GRM8: variants seen among roughly 807,000 people sequenced by gnomAD.
The protein encoded by GRM8 is metabotropic glutamate receptor 8.
Under a neutral mutation model 87.2 loss-of-function variants are expected in GRM8, and 47 were observed. The ratio of observed to expected loss-of-function variants is 0.54; its 90% CI spans 0.43 to 0.69. GRM8 has a LOEUF of 0.69. GRM8 is among the 30% of genes least tolerant of loss of function. GRM8 has a pLI of 0.00. For missense variants in GRM8, 1,019 were observed against 1,139.2 expected (o/e 0.89, Z 1.52); for synonymous variants, 396 against 404.5 (o/e 0.98, Z 0.25).
chr7:127,070,230 TTATG>T (rs1317204157), intron 3 of GRM8, among the ~76,000 whole-genome samples: 3 of 152,206 alleles, frequency 2.0e-5, no homozygotes, highest in African/African-American at 7.2e-5. Flanking sequence ...ATCCACTCAC[TTATG>T]TGTGTATCTG....
At chr7:126,934,132 C>T (rs996685423) in intron 3 of GRM8, among the ~76,000 whole-genome samples, 3 of 152,106 alleles carry the variant, frequency 2.0e-5, no homozygotes, top group African/African-American at 7.2e-5. Flanking sequence ...GAGGCAAAAT[C>T]CCCTGGAGTT....
intron 7 of GRM8, among the ~76,000 whole-genome samples, chr7:126,757,869 C>T (rs1342038849): frequency 9.2e-5 from 14 of 152,132 alleles, no homozygotes; most frequent in Admixed American, 9.2e-4. Context: ...TATCCTTTTA[C>T]TTGAGGCCAG....
chr7:126,529,435 T>C lies in GRM8; in HGVS notation c.2430+3517A>G, dbSNP rs1037823129. On this transcript the variant is annotated intron_variant, in intron 9 of 10. Transcript: ENST00000339582. ...TTAAAAGTAAGAAGAGGAAGTAAAG[T>C]AAAGGGGCAGGAGTGAGTAGAGGGA... is the stretch of plus-strand genomic sequence containing the variant. Among the ~76,000 whole-genome samples, 6 of 152,144 alleles carry C rather than the reference T, an allele frequency of 3.9e-5. No homozygotes were observed. The East Asian group carries it at 1.2e-3, about 29-fold the overall frequency.
chr7:126,811,721 G>A (rs1274555182), intron 6 of GRM8, among the ~76,000 whole-genome samples: 1 of 152,012 alleles, frequency 6.6e-6, no homozygotes, highest in Non-Finnish European at 1.5e-5. Flanking sequence ...TTTGTACCCT[G>A]AAACTTTACT....
chr7:126,618,473 A>G (rs1207433601), intron 7 of GRM8, among the ~76,000 whole-genome samples: 1 of 152,220 alleles, frequency 6.6e-6, no homozygotes, highest in African/African-American at 2.4e-5. Context: ...ATGGGCATGG[A>G]CTTCATGTCT....
chr7:127,094,002 C>T (rs1029680400), intron 3 of GRM8, among the ~76,000 whole-genome samples: 2 of 152,168 alleles, frequency 1.3e-5, no homozygotes, highest in Non-Finnish European at 2.9e-5. Context: ...TTCAAGGAAA[C>T]TATATTTGTT....
At chr7:126,978,757 C>G (rs1214852969) in intron 3 of GRM8, among the ~76,000 whole-genome samples, 1 of 152,164 alleles carries the variant, frequency 6.6e-6, no homozygotes, top group Non-Finnish European at 1.5e-5. Flanking sequence ...TCCTGTGGTG[C>G]ACATTAAATC....
chr7:126,660,221 A>C (rs1805002700), intron 7 of GRM8, among the ~76,000 whole-genome samples: 1 of 152,198 alleles, frequency 6.6e-6, no homozygotes, highest in South Asian at 2.1e-4. Flanking sequence ...TAATCTTATG[A>C]TCTATTCTGC....
At chr7:126,919,865 T>C (rs1024685945) in intron 3 of GRM8, among the ~76,000 whole-genome samples, 7 of 152,138 alleles carry the variant, frequency 4.6e-5, no homozygotes, top group African/African-American at 1.7e-4. Flanking sequence ...CCTGTTACTC[T>C]GAGACTCACT....
At chr7:126,923,647 A>T (rs569730441) in intron 3 of GRM8, among the ~76,000 whole-genome samples, 1 of 152,324 alleles carries the variant, frequency 6.6e-6, no homozygotes, top group African/African-American at 2.4e-5. Flanking sequence ...GAAACACGTG[A>T]GAACCCAGAG....
At chr7:127,240,108 G>T (rs1282378225) in intron 2 of GRM8, among the ~76,000 whole-genome samples, 1 of 152,132 alleles carries the variant, frequency 6.6e-6, no homozygotes, top group Admixed American at 6.5e-5. Flanking sequence ...ATGGCCTGGG[G>T]CATTGGACTC....
intron 6 of GRM8, among the ~76,000 whole-genome samples, chr7:126,894,814 C>T (rs1185909683): frequency 6.6e-6 from 1 of 152,016 alleles, no homozygotes; most frequent in Non-Finnish European, 1.5e-5. Flanking sequence ...GTCCTATCAT[C>T]GTTAGGTAGC....
At chr7:127,079,677 G>C (rs1822643135) in intron 3 of GRM8, among the ~76,000 whole-genome samples, 1 of 152,156 alleles carries the variant, frequency 6.6e-6, no homozygotes. Context: ...CCCAGTAGCT[G>C]TTTCCCCTTT....
chr7:126,611,475 A>G (rs538235057), intron 7 of GRM8, among the ~76,000 whole-genome samples: 2 of 152,360 alleles, frequency 1.3e-5, no homozygotes, highest in African/African-American at 4.8e-5. Flanking sequence ...AGTGATGGCT[A>G]GACAAAAGAT....
chr7:126,616,002 A>G (rs1256986578), intron 7 of GRM8, among the ~76,000 whole-genome samples: 1 of 152,172 alleles, frequency 6.6e-6, no homozygotes, highest in Non-Finnish European at 1.5e-5. Context: ...CAGGAATTGA[A>G]CTCAGCTCTG....
chr7:126,875,650 C>T (rs1265984443), intron 6 of GRM8, among the ~76,000 whole-genome samples: 1 of 152,142 alleles, frequency 6.6e-6, no homozygotes, highest in Non-Finnish European at 1.5e-5. Context: ...GAACTATCGT[C>T]TAATTATGTC....
At chr7:126,450,927 C>T (rs1802549498) in intron 9 of GRM8, among the ~76,000 whole-genome samples, 1 of 151,822 alleles carries the variant, frequency 6.6e-6, no homozygotes, top group Non-Finnish European at 1.5e-5. Flanking sequence ...TAGAATTACA[C>T]CCTTAAACCA....
At chr7:127,123,352 G>C (rs975909699) in intron 2 of GRM8, among the ~76,000 whole-genome samples, 1 of 152,090 alleles carries the variant, frequency 6.6e-6, no homozygotes, top group Non-Finnish European at 1.5e-5. Flanking sequence ...GGTCCTGGGG[G>C]GAATCCTTCC....
At chr7:126,988,025 G>A (rs973897883) in intron 3 of GRM8, among the ~76,000 whole-genome samples, 1 of 151,908 alleles carries the variant, frequency 6.6e-6, no homozygotes, top group Admixed American at 6.6e-5. Flanking sequence ...TTGGCACAGA[G>A]ATTTAAAATT....
Sources: allele counts gnomAD v4.1 joint callset (sites outside exome capture counted in the v4.1 genomes callset), GRCh38; gene constraint gnomAD v4.1.1; transcripts MANE v1.5; gene names NCBI Gene and HGNC (gene_info 2026-07-23, HGNC 2026-07-21).